Variants in HSF5 observed in about 807,000 individuals in gnomAD.
HSF5 encodes the protein heat shock factor protein 5.
In HSF5, 5 loss-of-function variants were observed where a neutral mutation model predicts 50.8. The observed-to-expected ratio is 0.10, with a 90% confidence interval of 0.05 to 0.21. The LOEUF is 0.21. Ranked by LOEUF, HSF5 falls within the 10% of genes least tolerant of loss-of-function variation. The pLI is 1.00. For synonymous variants in HSF5, 307 were observed against 307.4 expected (o/e 1.00, Z 0.02); for missense variants, 564 against 762.6 (o/e 0.74, Z 3.07).
chr17:58,472,063 G>A (rs1325835427), intron 2 of HSF5, among the ~76,000 whole-genome samples: 1 of 151,546 alleles, frequency 6.6e-6, no homozygotes, highest in Non-Finnish European at 1.5e-5. Flanking sequence ...CACCATGTTG[G>A]CCAGGCTGGT....
intron 1 of HSF5, among the ~76,000 whole-genome samples, chr17:58,481,042 C>A (rs556982414): frequency 6.6e-6 from 1 of 152,270 alleles, no homozygotes; most frequent in Admixed American, 6.5e-5. Flanking sequence ...CCTTTGCCTC[C>A]CAAAGTGCTG....
intron 4 of HSF5, among the ~76,000 whole-genome samples, chr17:58,462,500 A>G (rs1275334953): frequency 1.3e-5 from 2 of 152,246 alleles, no homozygotes; most frequent in Non-Finnish European, 2.9e-5. Flanking sequence ...AGAGATGTTT[A>G]TAACATGAAA....
At chr17:58,486,578 T>C (rs1029271596) in intron 1 of HSF5, among the ~76,000 whole-genome samples, 2 of 152,226 alleles carry the variant, frequency 1.3e-5, no homozygotes, top group African/African-American at 4.8e-5. Flanking sequence ...TGCCTTATGT[T>C]TGTCTAATCA....
At chr17:58,426,077 T>G (rs1030666202) in intron 5 of HSF5, among the ~76,000 whole-genome samples, 2 of 152,196 alleles carry the variant, frequency 1.3e-5, no homozygotes, top group Non-Finnish European at 2.9e-5. Context: ...AATAAGATTT[T>G]GGAATATGAA....
chr17:58,453,740 C>T (rs759259782), intron 5 of HSF5, among the ~76,000 whole-genome samples: 9 of 152,056 alleles, frequency 5.9e-5, no homozygotes, highest in Non-Finnish European at 1.3e-4. Flanking sequence ...TTAACAAAAT[C>T]AAGGATGAAA....
intron 5 of HSF5, among the ~76,000 whole-genome samples, chr17:58,443,516 C>A (rs1242128272): frequency 1.3e-5 from 2 of 152,176 alleles, no homozygotes; most frequent in Non-Finnish European, 2.9e-5. Flanking sequence ...TCTGCCTCAA[C>A]CCATCCCCTA....
intron 5 of HSF5, among the ~76,000 whole-genome samples, chr17:58,453,032 C>T (rs1159520884): frequency 6.6e-6 from 1 of 152,050 alleles, no homozygotes; most frequent in Non-Finnish European, 1.5e-5. Context: ...GAGACCCTGT[C>T]TCAAAACAAA....
intron 4 of HSF5, among the ~76,000 whole-genome samples, chr17:58,459,672 G>A (rs1324720080): frequency 7.0e-6 from 1 of 143,372 alleles, no homozygotes; most frequent in African/African-American, 2.5e-5. Flanking sequence ...AGGTTTTTTT[G>A]TAGAGACAGG....
chr17:58,451,743 A>T (rs1974644230), intron 5 of HSF5, among the ~76,000 whole-genome samples: 1 of 152,148 alleles, frequency 6.6e-6, no homozygotes, highest in African/African-American at 2.4e-5. Flanking sequence ...AGGTATAGAG[A>T]CTTCAAATAA....
chr17:58,478,517 A>G (rs1372795355), intron 2 of HSF5, among the ~76,000 whole-genome samples: 3 of 149,040 alleles, frequency 2.0e-5, no homozygotes, highest in African/African-American at 7.4e-5. Flanking sequence ...AAAAGAAAAT[A>G]CATTTGAGTG....
rs1385540643 is a variant in HSF5 at position 58,420,577 on chromosome 17, C to T, written c.*1783G>A. On this transcript the variant is annotated 3_prime_UTR_variant, in exon 6 of 6. Transcript: ENST00000323777. ...AAAGCCATATTTAGGGGAAAATCTACACAGTATATTAGCTCTTCAACATGA... is the reference window on the plus strand; with the variant it reads ...AAAGCCATATTTAGGGGAAAATCTATACAGTATATTAGCTCTTCAACATGA... The T allele has an allele frequency of 6.6e-5, 10 of 152,156 alleles. No individual in the cohort carries two copies. Among genetic ancestry groups the T allele is most frequent in the Non-Finnish European group, 4.4e-5 (3 of 68,022 alleles). The allele number at this position is 152,156 out of a possible 1,614,324, so 9.4% of individuals were successfully genotyped here.
chr17:58,442,772 C>G (rs1221711512), intron 5 of HSF5, among the ~76,000 whole-genome samples: 1 of 152,152 alleles, frequency 6.6e-6, no homozygotes, highest in Non-Finnish European at 1.5e-5. Flanking sequence ...GATGTAGTCT[C>G]TGTTGCCCAG....
intron 5 of HSF5, 22 bp from the exon 6 acceptor site, chr17:58,422,452 C>T (rs1598176838): frequency 5.0e-6 from 8 of 1,605,554 alleles, no homozygotes; most frequent in Non-Finnish European, 6.8e-6. Flanking sequence ...GGATAGTTTA[C>T]TCCCTCTTAG....
chr17:58,473,327 T>G lies in HSF5; in HGVS notation c.926-6348A>C, dbSNP rs140185620. Among the ~76,000 whole-genome samples the G allele has an allele frequency of 5.8e-3, 883 of 152,244 alleles. 5 individuals are homozygous for G. The highest frequency in any genetic ancestry group is 9.3e-3 in the African/African-American group (387 of 41,548). ...AAATTTACTAACCATTGCCTTGAGTTTAAAACTTTGAAAAAAAGGCAAAGT... is the reference window on the plus strand; with the variant it reads ...AAATTTACTAACCATTGCCTTGAGTGTAAAACTTTGAAAAAAAGGCAAAGT... On this transcript the variant is annotated intron_variant, in intron 2 of 5. Coordinates refer to ENST00000323777, the MANE Select transcript of HSF5 (RefSeq NM_001080439.3).
chr17:58,460,578 C>T (rs1156391197), intron 4 of HSF5, among the ~76,000 whole-genome samples: 3 of 151,214 alleles, frequency 2.0e-5, no homozygotes, highest in African/African-American at 7.3e-5. Context: ...GGCGCGATCT[C>T]AGCTCGCCAC....
chr17:58,424,757 G>A (rs905123535), intron 5 of HSF5, among the ~76,000 whole-genome samples: 16 of 152,144 alleles, frequency 1.1e-4, no homozygotes, highest in African/African-American at 3.6e-4. Context: ...CTGCACTCCA[G>A]TGTGGGTGAC....
rs765574150 is a variant in HSF5 at position 58,428,309 on chromosome 17, T to C, written c.1721-5879A>G. ...AACAATATATTTTCTCCAAAGAAGA[T>C]ATAAAAATGGCAAACGAGCTCATGA... is the stretch of plus-strand genomic sequence containing the variant. On this transcript the variant is annotated intron_variant, in intron 5 of 5. Transcript: ENST00000323777. 8.7e-4 allele frequency among the ~76,000 whole-genome samples: 132 copies of C among 152,272 alleles called. 1 individual carries two copies. The highest frequency in any genetic ancestry group is 1.7e-3 in the South Asian group (8 of 4,832).
chr17:58,462,729 A>G, intron 4 of HSF5, 53 bp downstream of exon 4: 2 of 1,472,882 alleles, frequency 1.4e-6, no homozygotes, highest in Non-Finnish European at 9.2e-7. Context: ...AGTCTTTAGC[A>G]GAAGTACTAG....
At chr17:58,485,641 G>A (rs1031523200) in intron 1 of HSF5, among the ~76,000 whole-genome samples, 1 of 151,752 alleles carries the variant, frequency 6.6e-6, no homozygotes, top group Non-Finnish European at 1.5e-5. Context: ...CAGCTACTCG[G>A]GAGGCTGAGG....
Sources: gnomAD v4.1 joint callset for allele counts (sites outside exome capture counted in the v4.1 genomes callset) on GRCh38, gnomAD v4.1.1 for gene constraint, MANE v1.5 for transcripts, NCBI Gene and HGNC (gene_info 2026-07-23, HGNC 2026-07-21) for gene names.